KSR2: variants seen among roughly 807,000 people sequenced by gnomAD.
The protein encoded by KSR2 is kinase suppressor of ras 2.
In KSR2, 25 loss-of-function variants were observed where a neutral mutation model predicts 107.8. The ratio of observed to expected loss-of-function variants is 0.23; its 90% CI spans 0.17 to 0.32. The LOEUF (loss-of-function observed/expected upper bound fraction) is 0.32, where lower values mean the gene tolerates loss of function less well. Ranked by LOEUF, KSR2 falls within the 10% of genes least tolerant of loss-of-function variation. KSR2 has a pLI of 1.00. For synonymous variants in KSR2, 480 were observed against 507.0 expected, an observed-to-expected ratio of 0.95 and a Z score of 0.71; for missense variants, 887 against 1,268.9, an observed-to-expected ratio of 0.70 and a Z score of 4.57.
chr12:117,850,689 A>T (rs1249236302), intron 3 of KSR2, among the ~76,000 whole-genome samples: 2 of 152,112 alleles, frequency 1.3e-5, no homozygotes, highest in Non-Finnish European at 2.9e-5. Flanking sequence ...ACACGCCTGT[A>T]GTCCTAGCTA....
chr12:117,739,259 G>A (rs534673109), intron 4 of KSR2, among the ~76,000 whole-genome samples: 54 of 152,150 alleles, frequency 3.5e-4, no homozygotes, highest in African/African-American at 1.3e-3. Context: ...GGAGGCTGAG[G>A]CAGGAGAATG....
In KSR2 at chr12:117,761,358, G is replaced by C; in HGVS notation, c.639C>G (p.Ser213Arg). 1 of 1,592,568 alleles carries C rather than the reference G, an allele frequency of 6.3e-7. No homozygotes were observed. The highest frequency in any genetic ancestry group is 8.5e-7 in the Non-Finnish European group (1 of 1,172,692). Residue 213 changes from serine (S) to arginine (R), a missense_variant, in exon 4 of 20, where the codon AGC (serine) becomes AGG (arginine). Coordinates refer to ENST00000339824, the MANE Select transcript of KSR2 (RefSeq NM_173598.6). Reference protein sequence around the residue: ...SKCVQHYCHTSPTPGAPVYTH... With the variant: ...SKCVQHYCHTRPTPGAPVYTH... ...TGTACACAGGGGCCCCGGGAGTGGG[G>C]CTGGTGTGACAATAGTGCTGGACGC...
At chr12:117,515,653 C>T (rs530921800) in intron 14 of KSR2, among the ~76,000 whole-genome samples, 14 of 152,278 alleles carry the variant, frequency 9.2e-5, no homozygotes, top group South Asian at 2.1e-4. Flanking sequence ...AGGCCAGGCA[C>T]GGTGGCTCAC....
intron 5 of KSR2, among the ~76,000 whole-genome samples, chr12:117,616,693 C>T (rs549253736): frequency 3.9e-5 from 6 of 152,338 alleles, no homozygotes; most frequent in Admixed American, 3.3e-4. Context: ...GACTGTATCA[C>T]AGCCCAACTT....
chr12:117,593,778 G>C (rs1232934100), intron 5 of KSR2, among the ~76,000 whole-genome samples: 1 of 152,236 alleles, frequency 6.6e-6, no homozygotes, highest in East Asian at 1.9e-4. Flanking sequence ...GAGCAATTCA[G>C]CTGCTTGTTT....
intron 1 of KSR2, among the ~76,000 whole-genome samples, chr12:117,966,621 A>ACG (rs748106086): frequency 3.9e-5 from 5 of 128,614 alleles, no homozygotes; most frequent in Non-Finnish European, 8.4e-5. Context: ...TCACACGCGC[A>ACG]CGCACACACA....
intron 5 of KSR2, among the ~76,000 whole-genome samples, chr12:117,618,417 A>C (rs934100043): frequency 6.6e-6 from 1 of 151,996 alleles, no homozygotes; most frequent in African/African-American, 2.4e-5. Context: ...CTCAGCCGCC[A>C]TTTTGGAATT....
chr12:117,898,795 G>C (rs1054905238), intron 1 of KSR2, among the ~76,000 whole-genome samples: 1 of 151,964 alleles, frequency 6.6e-6, no homozygotes, highest in African/African-American at 2.4e-5. Context: ...GGAGGGAACT[G>C]GAGATTATGT....
intron 3 of KSR2, among the ~76,000 whole-genome samples, chr12:117,763,902 A>G (rs962976277): frequency 2.0e-5 from 3 of 152,198 alleles, no homozygotes; most frequent in Non-Finnish European, 2.9e-5. Context: ...AAGACCCACC[A>G]GAACCCAGAG....
At position 117,826,706 on chromosome 12, in the gene KSR2, G is replaced by GCA. The variant is rs10560304; in HGVS notation, c.472+28720_472+28721dup. 3.1e-3 allele frequency among the ~76,000 whole-genome samples: 457 copies of GCA among 149,094 alleles called. 2 individuals carry two copies. The highest frequency in any genetic ancestry group is 0.02 in the Middle Eastern group (6 of 294). On this transcript the variant is annotated intron_variant, in intron 3 of 19. Transcript: ENST00000339824. Reference sequence around the variant, plus strand: ...GATCTTTTTAAAAATATACACACATGCACACACACACACACACACACACGC... The same window carrying GCA: ...GATCTTTTTAAAAATATACACACATGCACACACACACACACACACACACACGC...
At chr12:117,875,074 C>T (rs1395996657) in intron 1 of KSR2, among the ~76,000 whole-genome samples, 1 of 152,170 alleles carries the variant, frequency 6.6e-6, no homozygotes, top group African/African-American at 2.4e-5. Context: ...CGGGCCTTGG[C>T]CCATCCGAGC....
At position 117,943,500 on chromosome 12, in the gene KSR2, CAAAAAAAAAAAAAAAA is replaced by C. The variant is rs35125662; in HGVS notation, c.180+24560_180+24575del. Reference sequence around the variant, plus strand: ...CCTTATGTGTCCTTATCCACCTAGCCAAAAAAAAAAAAAAAAAAAAAAAAAAACCTCATAGCAGAAT... The same window carrying C: ...CCTTATGTGTCCTTATCCACCTAGCCAAAAAAAAAAACCTCATAGCAGAAT... On this transcript the variant is annotated intron_variant, in intron 1 of 19. Transcript: ENST00000339824. 6.0e-4 allele frequency among the ~76,000 whole-genome samples: 32 copies of C among 52,944 alleles called. 1 individual carries two copies. Among genetic ancestry groups the C allele is most frequent in the Admixed American group, 4.5e-3 (18 of 4,014 alleles). The allele number at this position is 52,944 out of a possible 152,430, so 34.7% of individuals were successfully genotyped here.
At chr12:117,848,818 G>GT (rs1892800606) in intron 3 of KSR2, among the ~76,000 whole-genome samples, 3 of 143,132 alleles carry the variant, frequency 2.1e-5, no homozygotes, top group Non-Finnish European at 3.0e-5. Context: ...TGATGGTGGT[G>GT]GGTGGTGATG....
At chr12:117,874,872 G>A (rs1385066681) in intron 1 of KSR2, among the ~76,000 whole-genome samples, 1 of 152,092 alleles carries the variant, frequency 6.6e-6, no homozygotes, top group East Asian at 1.9e-4. Flanking sequence ...CAGGACTTTT[G>A]GAAATAGCAC....
rs186003484 is a variant in KSR2 at position 117,782,520 on chromosome 12, C to A, written c.473-20996G>T. On this transcript the variant is annotated intron_variant, in intron 3 of 19. Transcript: ENST00000339824. The stretch of plus-strand genomic sequence containing the variant: ...ACTCAAGTGATCCATCCACCTTGGC[C>A]TCCCAAAGTGTTGGGATTACAAGCG... Among the ~76,000 whole-genome samples the A allele has an allele frequency of 1.1e-3, 171 of 152,334 alleles. 1 individual carries two copies. The highest frequency in any genetic ancestry group is 9.8e-4 in the Non-Finnish European group (67 of 68,036).
At chr12:117,829,337 A>G (rs1051820883) in intron 3 of KSR2, among the ~76,000 whole-genome samples, 6 of 152,082 alleles carry the variant, frequency 3.9e-5, no homozygotes, top group Non-Finnish European at 7.3e-5. Context: ...CCTTCACTCT[A>G]AAGGCTTCCC....
chr12:117,467,031 G>T lies in KSR2; in HGVS notation c.*168C>A, dbSNP rs541599776. Reference sequence around the variant, plus strand: ...ACCCTGCCCGAGGAAAAGGGCTCAAGTCTGAGGTGCAGGGAGGCCGCCGAG... The same window carrying T: ...ACCCTGCCCGAGGAAAAGGGCTCAATTCTGAGGTGCAGGGAGGCCGCCGAG... On this transcript the variant is annotated 3_prime_UTR_variant, in exon 20 of 20. Transcript: ENST00000339824. The T allele has an allele frequency of 2.1e-6, 1 of 485,478 alleles. No individual in the cohort carries two copies. The highest frequency in any genetic ancestry group is 3.7e-6 in the Non-Finnish European group (1 of 273,932). 30.1% of individuals were successfully genotyped at this position (485,478 alleles called of 1,614,324 possible).
chr12:117,640,158 C>T (rs1412796077), intron 5 of KSR2, among the ~76,000 whole-genome samples: 2 of 152,152 alleles, frequency 1.3e-5, no homozygotes, highest in African/African-American at 2.4e-5. Context: ...AATCAAGACA[C>T]GCTTCACTTA....
intron 7 of KSR2, among the ~76,000 whole-genome samples, chr12:117,562,107 T>G (rs547574962): frequency 2.0e-5 from 3 of 152,072 alleles, no homozygotes; most frequent in South Asian, 4.2e-4. Context: ...CTTGGGTAGG[T>G]GTCAAGGGTA....
Sources: gnomAD v4.1 joint callset for allele counts (sites outside exome capture counted in the v4.1 genomes callset) on GRCh38, gnomAD v4.1.1 for gene constraint, MANE v1.5 for transcripts, NCBI Gene and HGNC (gene_info 2026-07-23, HGNC 2026-07-21) for gene names.